CACNG4: variants seen among roughly 807,000 people sequenced by gnomAD.
CACNG4 encodes the protein calcium voltage-gated channel auxiliary subunit gamma 4.
CACNG4 carries 8 observed loss-of-function variants against 22.9 expected under a neutral mutation model. The observed-to-expected ratio is 0.35, with a 90% CI of 0.21 to 0.63. The LOEUF (loss-of-function observed/expected upper bound fraction) is 0.63. Ranked by LOEUF, CACNG4 falls within the 30% of genes least tolerant of loss-of-function variation. The pLI, the probability that CACNG4 is intolerant of heterozygous loss-of-function variation, is 0.72. For synonymous variants in CACNG4, 188 were observed against 191.9 expected, an observed-to-expected ratio of 0.98 and a Z score of 0.17; for missense variants, 357 against 455.4, an observed-to-expected ratio of 0.78 and a Z score of 1.97.
In CACNG4 at chr17:66,965,549, G is replaced by C. The variant is rs534840541; in HGVS notation, c.220+418G>C. ...GAGGGGGCGGGAGGAGGCTGGGGTT[G>C]GGGGGAGCGGACGGGAGGGGGGGAG... On this transcript the variant is annotated intron_variant, in intron 1 of 3. Transcript: ENST00000262138. Among the ~76,000 whole-genome samples the C allele has an allele frequency of 6.5e-3, 981 of 150,930 alleles. 4 individuals carry two copies. The highest frequency in any genetic ancestry group is 0.045 in the Middle Eastern group (13 of 290).
chr17:66,981,952 G>A (rs2035277144), intron 1 of CACNG4, among the ~76,000 whole-genome samples: 2 of 152,162 alleles, frequency 1.3e-5, no homozygotes, highest in South Asian at 2.1e-4. Flanking sequence ...AAAATTTTTA[G>A]AGATACGGTC....
At chr17:67,019,532 C>T (rs1013762203) in intron 2 of CACNG4, among the ~76,000 whole-genome samples, 7 of 152,210 alleles carry the variant, frequency 4.6e-5, no homozygotes, top group African/African-American at 9.6e-5. Context: ...GTACAGTGCA[C>T]GTCTGCACAA....
At chr17:66,979,745 C>CTTTTT (rs35942551) in intron 1 of CACNG4, among the ~76,000 whole-genome samples, 125 of 92,012 alleles carry the variant, frequency 1.4e-3, no homozygotes, top group African/African-American at 1.4e-3. Flanking sequence ...TCTTTTCATG[C>CTTTTT]TTTTTTTTTT....
intron 1 of CACNG4, among the ~76,000 whole-genome samples, chr17:66,976,466 T>G (rs1229991192): frequency 2.9e-5 from 4 of 138,788 alleles, no homozygotes; most frequent in Admixed American, 7.3e-5. Context: ...CCAACTTCCC[T>G]CCCTCCTTCC....
chr17:67,031,861 C>T lies in CACNG4; in HGVS notation c.*857C>T, dbSNP rs2035609327. ...TAGACCCAAGGAGCAACTCTGTCCC[C>T]TGAGCGTTGGGGGTCCCGGGGGAGA... On this transcript the variant is annotated 3_prime_UTR_variant, in exon 4 of 4. Coordinates refer to ENST00000262138, the MANE Select transcript of CACNG4 (RefSeq NM_014405.4). This position sits in a 1 kb window ranked among gnomAD's most constrained non-coding sequence, Gnocchi z 4.0. The T allele has an allele frequency of 2.2e-6, 1 of 456,572 alleles. No homozygotes were observed. The highest frequency in any genetic ancestry group is 2.0e-5 in the African/African-American group (1 of 50,058). The allele number at this position is 456,572 out of a possible 1,614,324, so 28.3% of individuals were successfully genotyped here.
At position 67,018,258 on chromosome 17, in the gene CACNG4, C is replaced by T. The variant is rs772670298; in HGVS notation, c.290C>T (p.Ser97Leu). 9 of 1,613,832 alleles carry T rather than the reference C, an allele frequency of 5.6e-6. No homozygotes were observed. The East Asian group carries it at 6.7e-5, about 12-fold the overall frequency. The change falls in exon 2 of 4, where the codon TCG (serine) becomes TTG (leucine). Residue 97 changes from serine to leucine, a missense_variant. Ser to Leu is a moderately radical substitution (Grantham distance 145, BLOSUM62 -2). Coordinates refer to ENST00000262138, the MANE Select transcript of CACNG4 (RefSeq NM_014405.4). ...GACAATGACTACGACCACGACAGCT[C>T]GGAGTACCTCCTCCGTGAGTGTCAG... is the stretch of plus-strand genomic sequence containing the variant. ...PEDNDYDHDS[S>L]EYLLRIVRAS...
chr17:66,976,605 C>T (rs2035238007), intron 1 of CACNG4, among the ~76,000 whole-genome samples: 1 of 151,800 alleles, frequency 6.6e-6, no homozygotes, highest in Non-Finnish European at 1.5e-5. Context: ...TCCTCCCCAT[C>T]GTCCCTCCTC....
intron 1 of CACNG4, among the ~76,000 whole-genome samples, chr17:66,997,831 A>G (rs2035384783): frequency 6.6e-6 from 1 of 152,036 alleles, no homozygotes; most frequent in Admixed American, 6.6e-5. Flanking sequence ...CAAACAAACA[A>G]ACAAACAAAA....
chr17:67,016,382 A>C (rs1389169970), intron 1 of CACNG4, among the ~76,000 whole-genome samples: 1 of 152,142 alleles, frequency 6.6e-6, no homozygotes, highest in Admixed American at 6.5e-5. Flanking sequence ...TTCAGGAATC[A>C]GGGTTGTCAC....
intron 3 of CACNG4, among the ~76,000 whole-genome samples, chr17:67,025,889 G>C (rs909813101): frequency 2.0e-5 from 3 of 151,174 alleles, no homozygotes; most frequent in African/African-American, 7.3e-5. Context: ...CCATTGGGGA[G>C]CCAAGGTGCC....
chr17:66,975,187 G>A (rs1274856102), intron 1 of CACNG4, among the ~76,000 whole-genome samples: 1 of 152,178 alleles, frequency 6.6e-6, no homozygotes, highest in Non-Finnish European at 1.5e-5. Flanking sequence ...GCTCCAGACA[G>A]AGCCTGGGAA....
intron 1 of CACNG4, among the ~76,000 whole-genome samples, chr17:66,982,416 A>T (rs1240532160): frequency 6.6e-6 from 1 of 152,014 alleles, no homozygotes; most frequent in Non-Finnish European, 1.5e-5. Context: ...CAGAGTACCA[A>T]TTGGCGCATT....
chr17:67,008,904 G>C (rs7217979), intron 1 of CACNG4, among the ~76,000 whole-genome samples: 32,768 of 151,882 alleles, frequency 0.22, 3,835 homozygotes, highest in South Asian at 0.35. Flanking sequence ...AGCCGAGATC[G>C]CGCCACTTCA....
At position 67,031,042 on chromosome 17, in the gene CACNG4, GAA is replaced by G. The variant is rs758346776; in HGVS notation, c.*39_*40del. On this transcript the variant is annotated 3_prime_UTR_variant, in exon 4 of 4. Transcript: ENST00000262138. This position sits in a 1 kb window ranked among gnomAD's most constrained non-coding sequence, Gnocchi z 4.0. ...TTCTCTCCGCTCCAGCCTCTCCCCA[GAA>G]CGGCTCTTTTTGTCACACAGGATGG... The G allele has an allele frequency of 2.5e-6, 4 of 1,573,380 alleles. No homozygotes were observed. Among genetic ancestry groups the G allele is most frequent in the Non-Finnish European group, 3.4e-6 (4 of 1,159,660 alleles).
rs181705879 is a variant in CACNG4 at position 66,969,998 on chromosome 17, G to A, written c.220+4867G>A. Among the ~76,000 whole-genome samples, 605 of 152,224 alleles carry A rather than the reference G, an allele frequency of 4.0e-3. 5 individuals carry two copies. Among genetic ancestry groups the A allele is most frequent in the African/African-American group, 0.014 (571 of 41,534 alleles). On this transcript the variant is annotated intron_variant, in intron 1 of 3. Transcript: ENST00000262138. Reference sequence around the variant, plus strand: ...CTTCCCTGACGCGCTAAGTACCACCGGCCAGAATCCTCACCCTGGACCCCC... The same window carrying A: ...CTTCCCTGACGCGCTAAGTACCACCAGCCAGAATCCTCACCCTGGACCCCC...
intron 1 of CACNG4, among the ~76,000 whole-genome samples, chr17:66,990,137 G>A (rs1405281533): frequency 3.3e-5 from 5 of 152,184 alleles, no homozygotes; most frequent in Admixed American, 6.5e-5. Context: ...TTTGCCAGGC[G>A]GCTTCCCTTT....
In CACNG4 at chr17:67,024,794, A is replaced by T. The variant is rs542538298; in HGVS notation, c.305-66A>T. ...TGCAAGGTTCCTGGGAGACATACGC[A>T]GCCATGCCCGGGAGGGCACCTGATC... On this transcript the variant is annotated intron_variant, in intron 2 of 3. Coordinates refer to ENST00000262138, the MANE Select transcript of CACNG4 (RefSeq NM_014405.4). 261 of 1,414,706 alleles carry T rather than the reference A, an allele frequency of 1.8e-4. 3 individuals are homozygous for T. In the South Asian group the frequency reaches 3.6e-3, roughly 20 times the overall value. 87.6% of individuals were successfully genotyped at this position (1,414,706 alleles called of 1,614,324 possible).
chr17:67,028,674 A>C (rs2035583689), intron 3 of CACNG4, among the ~76,000 whole-genome samples: 1 of 152,194 alleles, frequency 6.6e-6, no homozygotes, highest in East Asian at 1.9e-4. Flanking sequence ...TAATCCTCAC[A>C]CCAGCCCAGT....
At chr17:66,996,897 G>A (rs956436629) in intron 1 of CACNG4, among the ~76,000 whole-genome samples, 1 of 152,154 alleles carries the variant, frequency 6.6e-6, no homozygotes. Flanking sequence ...AAGGGGCAGC[G>A]CCTGCCCTGA....
Sources: allele counts gnomAD v4.1 joint callset (sites outside exome capture counted in the v4.1 genomes callset), GRCh38; gene constraint gnomAD v4.1.1; non-coding constraint Gnocchi (gnomAD v3.1); transcripts MANE v1.5; gene names NCBI Gene and HGNC (gene_info 2026-07-23, HGNC 2026-07-21).